The following WRN variants were observed in gnomAD, a reference collection of about 807,000 sequenced individuals.
The protein encoded by WRN is WRN RecQ like helicase.
A neutral mutation model predicts 180.7 loss-of-function variants in WRN; 149 were observed. The observed-to-expected ratio is 0.82, with a 90% CI of 0.72 to 0.94. The LOEUF (loss-of-function observed/expected upper bound fraction) is 0.94, where lower values mean the gene tolerates loss of function less well. Among genes scored for constraint, WRN ranks in the 40% least tolerant of loss-of-function variants. The probability of loss-of-function intolerance (pLI) is 0.00; values close to 1 mark genes in which losing one functional copy is unlikely to be tolerated. For synonymous variants in WRN, 548 were observed against 568.9 expected (o/e 0.96, Z 0.52); for missense variants, 1,661 against 1,700.1 (o/e 0.98, Z 0.40).
chr8:31,080,790 T>G (rs1351129991), intron 8 of WRN, 77 bp from the exon 9 acceptor site: 2 of 1,245,464 alleles, frequency 1.6e-6, no homozygotes, highest in Non-Finnish European at 2.2e-6. Context: ...AGCTTTTACT[T>G]GTTAAAAAGC....
chr8:31,159,587 A>G (rs1422677893), intron 33 of WRN, among the ~76,000 whole-genome samples: 1 of 152,116 alleles, frequency 6.6e-6, no homozygotes, highest in Non-Finnish European at 1.5e-5. Context: ...GAAAATTAAA[A>G]GACCAAAGCC....
chr8:31,155,338 G>A (rs993066520), intron 32 of WRN, among the ~76,000 whole-genome samples: 30 of 152,024 alleles, frequency 2.0e-4, no homozygotes, highest in Non-Finnish European at 2.9e-5. Context: ...ATGACCATAC[G>A]TAGGCCGGGT....
chr8:31,166,578 A>G (rs1490493004), intron 33 of WRN, among the ~76,000 whole-genome samples: 1 of 152,206 alleles, frequency 6.6e-6, no homozygotes, highest in Non-Finnish European at 1.5e-5. Flanking sequence ...ATTTACAGGT[A>G]CGATTAGCTT....
rs878854132 is a variant in WRN, at chr8:31,085,226, T to A, written c.1411T>A (p.Leu471Ile). ...CTATGTAATTGAGAGTGATGAAGAT[T>A]TAGAAATGGAGATGCTTAAGGTATG... ...TSYVIESDED[L>I]EMEMLKSLEN... Residue 471 changes from leucine to isoleucine, a missense_variant, in exon 11 of 35, where the codon TTA (leucine) becomes ATA (isoleucine). By Grantham distance (5) the Leu-to-Ile change is conservative (BLOSUM62 2). Coordinates refer to ENST00000298139, the MANE Select transcript of WRN (RefSeq NM_000553.6). 8 of 1,612,886 alleles carry A rather than the reference T, an allele frequency of 5.0e-6. No individual in the cohort carries two copies. Among genetic ancestry groups the A allele is most frequent in the Non-Finnish European group, 6.8e-6 (8 of 1,179,322 alleles).
At chr8:31,059,095 T>G (rs962699213) in intron 2 of WRN, 58 bp from the exon 3 acceptor site, 2 of 1,259,416 alleles carry the variant, frequency 1.6e-6, no homozygotes, top group South Asian at 2.4e-5. Context: ...ATTATTTCAG[T>G]GAACATTTGT....
chr8:31,042,128 G>A (rs1044266218), intron 1 of WRN, among the ~76,000 whole-genome samples: 2 of 152,186 alleles, frequency 1.3e-5, no homozygotes, highest in African/African-American at 4.8e-5. Flanking sequence ...TTGAAAAACA[G>A]GAGGTGTTGG....
rs117894244 is a variant in WRN, at chr8:31,146,954, G to A, written c.3384-99G>A. On this transcript the variant is annotated intron_variant, in intron 28 of 34. Transcript: ENST00000298139. ...CTGGTATCATGAAGAATAAATGTTT[G>A]TACTGATTTGGAAAGACATTCTCAT... 3.4e-3 allele frequency: 3,361 copies of A among 989,054 alleles called. 10 individuals carry two copies. The highest frequency in any genetic ancestry group is 4.2e-3 in the Non-Finnish European group (2,795 of 657,806). 61.3% of individuals were successfully genotyped at this position (989,054 alleles called of 1,614,324 possible).
chr8:31,044,207 A>G (rs575001138), intron 1 of WRN, among the ~76,000 whole-genome samples: 1 of 151,502 alleles, frequency 6.6e-6, no homozygotes, highest in South Asian at 2.1e-4. Flanking sequence ...ACACCCGGCT[A>G]ATTTTTTGTG....
intron 23 of WRN, chr8:31,131,450 C>G (rs1442620604): frequency 6.6e-6 from 1 of 152,484 alleles, no homozygotes; most frequent in East Asian, 1.9e-4. Context: ...GCCACTGCGC[C>G]TGGCCAAATT....
chr8:31,035,709 T>G (rs1259495625), intron 1 of WRN, among the ~76,000 whole-genome samples: 4 of 152,216 alleles, frequency 2.6e-5, no homozygotes, highest in African/African-American at 9.7e-5. Context: ...TCTGGCCAAT[T>G]CCACTCAGAA....
chr8:31,036,719 G>C (rs1386155505), intron 1 of WRN, among the ~76,000 whole-genome samples: 1 of 151,404 alleles, frequency 6.6e-6, no homozygotes, highest in Non-Finnish European at 1.5e-5. Context: ...TTATTTTTTT[G>C]CTATTGAGTT....
chr8:31,149,759 G>GC (rs1435004720), intron 30 of WRN, among the ~76,000 whole-genome samples: 1 of 152,026 alleles, frequency 6.6e-6, no homozygotes, highest in African/African-American at 2.4e-5. Context: ...ACAGGCGTGA[G>GC]CCACAGTGCC....
chr8:31,143,482 C>T (rs908262231), intron 27 of WRN, 68 bp from the exon 28 acceptor site: 23 of 1,099,414 alleles, frequency 2.1e-5, no homozygotes, highest in Non-Finnish European at 2.7e-5. Context: ...ATTTTTGTTT[C>T]TTATTTTCTT....
chr8:31,096,809 C>T lies in WRN; in HGVS notation c.1940C>T (p.Ser647Leu). ...GTATACGTAACTCCAGAATACTGTT[C>T]AGGTAACATGGGCCTGCTCCAGCAA... ...RIVYVTPEYC[S>L]GNMGLLQQLE... Residue 647 changes from serine (S) to leucine (L), a missense_variant, in exon 17 of 35, where the codon TCA becomes TTA. Physicochemically the swap from Ser to Leu is moderately radical, Grantham distance 145 (BLOSUM62 -2). This residue lies in a region of WRN where 1,141 missense variants were observed against 1,149.4 expected (regional missense o/e 0.99). Transcript: ENST00000298139. 2 of 1,609,264 alleles carry T rather than the reference C, an allele frequency of 1.2e-6. No individual in the cohort carries two copies. Among genetic ancestry groups the T allele is most frequent in the Middle Eastern group, 1.7e-4 (1 of 6,040 alleles).
chr8:31,086,388 C>A (rs1813531261), intron 11 of WRN, among the ~76,000 whole-genome samples: 1 of 152,016 alleles, frequency 6.6e-6, no homozygotes, highest in African/African-American at 2.4e-5. Context: ...ACCTGGGCAA[C>A]ATGGCAAAAC....
chr8:31,117,945 G>A (rs776266040), intron 20 of WRN, among the ~76,000 whole-genome samples: 11 of 152,138 alleles, frequency 7.2e-5, no homozygotes, highest in African/African-American at 1.2e-4. Context: ...ATTGTCAAAT[G>A]ACATTTATTA....
intron 18 of WRN, among the ~76,000 whole-genome samples, chr8:31,101,893 A>AT (rs1800885264): frequency 6.8e-6 from 1 of 147,086 alleles, no homozygotes; most frequent in Non-Finnish European, 1.5e-5. Context: ...GCACTGTTTT[A>AT]TTTTTTATTT....
intron 1 of WRN, among the ~76,000 whole-genome samples, chr8:31,040,600 G>A (rs751587686): frequency 3.1e-4 from 47 of 152,134 alleles, no homozygotes; most frequent in Admixed American, 6.5e-5. Flanking sequence ...ACTTACTGCC[G>A]GTACATTGAC....
At chr8:31,141,403 A>G in intron 24 of WRN, 27 bp from the exon 25 acceptor site, 1 of 1,613,444 alleles carries the variant, frequency 6.2e-7, no homozygotes, top group South Asian at 1.1e-5. Flanking sequence ...TAGCATTTTT[A>G]GATACTGATT....
Sources: allele counts gnomAD v4.1 joint callset (sites outside exome capture counted in the v4.1 genomes callset), GRCh38; gene constraint gnomAD v4.1.1; regional missense constraint gnomAD v4.1.1; transcripts MANE v1.5; gene names NCBI Gene and HGNC (gene_info 2026-07-23, HGNC 2026-07-21).